The following NEK11 variants were observed in gnomAD, a reference collection of about 807,000 sequenced individuals.
NEK11 encodes the protein serine/threonine-protein kinase Nek11.
In NEK11, 72 loss-of-function variants were observed where a neutral mutation model predicts 80.7. The ratio of observed to expected loss-of-function variants is 0.89; its 90% CI spans 0.74 to 1.08. The LOEUF (loss-of-function observed/expected upper bound fraction) is 1.08, where lower values mean the gene tolerates loss of function less well. Among genes scored for constraint, NEK11 ranks in the 50% least tolerant of loss-of-function variants. The pLI is 0.00. For synonymous variants in NEK11, 251 were observed against 260.7 expected, an observed-to-expected ratio of 0.96 and a Z score of 0.36; for missense variants, 764 against 763.6, an observed-to-expected ratio of 1.00 and a Z score of -0.01.
At chr3:131,177,871 A>G (rs1484469859) in intron 14 of NEK11, among the ~76,000 whole-genome samples, 1 of 152,246 alleles carries the variant, frequency 6.6e-6, no homozygotes, top group Non-Finnish European at 1.5e-5. Flanking sequence ...TGACAGGAAT[A>G]TGTTCTGAGA....
chr3:131,335,543 T>A (rs2097167439), intron 17 of NEK11, among the ~76,000 whole-genome samples: 1 of 152,182 alleles, frequency 6.6e-6, no homozygotes, highest in Non-Finnish European at 1.5e-5. Flanking sequence ...AAGCATTCCC[T>A]TTGAAAACTG....
At chr3:131,057,048 C>A in intron 3 of NEK11, among the ~76,000 whole-genome samples, 1 of 122,554 alleles carries the variant, frequency 8.2e-6, no homozygotes, top group Non-Finnish European at 1.7e-5. Flanking sequence ...TCCCCCCACC[C>A]CACAACTGTC....
At chr3:131,220,731 T>A (rs2107661746) in intron 14 of NEK11, among the ~76,000 whole-genome samples, 1 of 152,224 alleles carries the variant, frequency 6.6e-6, no homozygotes, top group East Asian at 1.9e-4. Flanking sequence ...CTCCGCAAAC[T>A]TTAATGCTGA....
intron 15 of NEK11, among the ~76,000 whole-genome samples, chr3:131,233,379 C>T (rs1361058188): frequency 6.6e-6 from 1 of 152,138 alleles, no homozygotes; most frequent in Non-Finnish European, 1.5e-5. Flanking sequence ...TCACTAGGCT[C>T]CTTGCAGCAG....
intron 14 of NEK11, among the ~76,000 whole-genome samples, chr3:131,190,065 G>A (rs1334516624): frequency 1.3e-5 from 2 of 152,086 alleles, no homozygotes; most frequent in African/African-American, 4.8e-5. Context: ...TCGATGTATA[G>A]ATCCATAAAT....
chr3:131,175,556 A>G lies in NEK11; in HGVS notation c.1399+4669A>G, dbSNP rs934461581. On this transcript the variant is annotated intron_variant, in intron 14 of 17. Transcript: ENST00000383366. The stretch of plus-strand genomic sequence containing the variant: ...GTTCTGGAACCAGAAGTACTTATCT[A>G]TAGTAATAGAAATTAGGCCAGTGGT... 3.9e-5 allele frequency among the ~76,000 whole-genome samples: 6 copies of G among 152,202 alleles called. No homozygotes were observed. In the South Asian group the frequency reaches 6.2e-4, roughly 16 times the overall value.
chr3:131,155,254 A>AG (rs2090451153), intron 10 of NEK11, 133 bp downstream of exon 10: 1 of 617,206 alleles, frequency 1.6e-6, no homozygotes, highest in Admixed American at 2.9e-5. Context: ...CAAGAAATTA[A>AG]GGAGCTTCAG....
At chr3:131,275,530 TCATGTG>T (rs2096278067) in intron 17 of NEK11, among the ~76,000 whole-genome samples, 1 of 152,216 alleles carries the variant, frequency 6.6e-6, no homozygotes, top group East Asian at 1.9e-4. Context: ...CTCACCTTTT[TCATGTG>T]GGCTACTGCA....
Position 131,350,400 on chromosome 3 carries a change from T to C in NEK11, c.*624T>C, listed in dbSNP as rs1349197770. 6.6e-6 allele frequency: 1 copy of C among 152,232 alleles called. No homozygotes were observed. The highest frequency in any genetic ancestry group is 2.4e-5 in the African/African-American group (1 of 41,464). 9.4% of individuals were successfully genotyped at this position (152,232 alleles called of 1,614,324 possible). On this transcript the variant is annotated 3_prime_UTR_variant, in exon 18 of 18. Transcript: ENST00000383366. ...AAACTCATCCATAGATAATTCAAGA[T>C]TTGTATTCAAAATAAACATAGTTTT... is the stretch of plus-strand genomic sequence containing the variant.
chr3:131,324,894 T>C lies in NEK11; in HGVS notation c.1719-24663T>C, dbSNP rs113895576. Among the ~76,000 whole-genome samples, 1,407 of 152,300 alleles carry C rather than the reference T, an allele frequency of 9.2e-3. 16 individuals are homozygous for C. Among genetic ancestry groups the C allele is most frequent in the African/African-American group, 0.03 (1,257 of 41,560 alleles). On this transcript the variant is annotated intron_variant, in intron 17 of 17. Coordinates refer to ENST00000383366, the MANE Select transcript of NEK11 (RefSeq NM_024800.5). Reference sequence around the variant, plus strand: ...GTACCTTACAGGGATTTAAAAAAATTCTGTAATTCTGATTTTTAAAATTAC... The same window carrying C: ...GTACCTTACAGGGATTTAAAAAAATCCTGTAATTCTGATTTTTAAAATTAC...
At position 131,209,787 on chromosome 3, in the gene NEK11, A is replaced by G. The variant is rs2094553301; in HGVS notation, c.1400-18741A>G. Among the ~76,000 whole-genome samples, 5 of 152,298 alleles carry G rather than the reference A, an allele frequency of 3.3e-5. No homozygotes were observed. The East Asian group carries it at 9.6e-4, about 29-fold the overall frequency. On this transcript the variant is annotated intron_variant, in intron 14 of 17. Coordinates refer to ENST00000383366, the MANE Select transcript of NEK11 (RefSeq NM_024800.5). ...TTATTTGCATAGAGGTGTTTATAGTATCCTCTGATGGTAGTTTGTATTTCT... is the reference window on the plus strand; with the variant it reads ...TTATTTGCATAGAGGTGTTTATAGTGTCCTCTGATGGTAGTTTGTATTTCT...
intron 5 of NEK11, among the ~76,000 whole-genome samples, chr3:131,130,532 G>T (rs2718868): frequency 0.82 from 124,126 of 152,114 alleles, 50,728 homozygotes; most frequent in East Asian, 0.85. Flanking sequence ...GCAGAAAAAC[G>T]TCAGGGTTCT....
At chr3:131,228,159 T>C (rs2107785307) in intron 14 of NEK11, among the ~76,000 whole-genome samples, 1 of 152,326 alleles carries the variant, frequency 6.6e-6, no homozygotes. Flanking sequence ...GTGTGTTGTG[T>C]AATAGGACCC....
In NEK11 at chr3:131,318,236, G is replaced by A. The variant is rs149153092; in HGVS notation, c.1719-31321G>A. Among the ~76,000 whole-genome samples, 775 of 152,222 alleles carry A rather than the reference G, an allele frequency of 5.1e-3. 10 individuals carry two copies. Among genetic ancestry groups the A allele is most frequent in the African/African-American group, 0.017 (720 of 41,546 alleles). The stretch of plus-strand genomic sequence containing the variant: ...TCAGTTGTGCCATAGTATCATTGGC[G>A]TTCTTGAGCTCTATTTCAATCCCAA... On this transcript the variant is annotated intron_variant, in intron 17 of 17. Transcript: ENST00000383366.
chr3:131,131,653 T>G (rs534831038), intron 5 of NEK11, among the ~76,000 whole-genome samples: 13 of 152,252 alleles, frequency 8.5e-5, no homozygotes. Context: ...TTTATTGATC[T>G]TTTCAAAGAA....
intron 17 of NEK11, among the ~76,000 whole-genome samples, chr3:131,312,464 G>A (rs902318978): frequency 1.3e-5 from 2 of 152,146 alleles, no homozygotes; most frequent in African/African-American, 4.8e-5. Context: ...TATGTACAGA[G>A]AAGACCTAGA....
At chr3:131,152,810 A>C in intron 9 of NEK11, 101 bp downstream of exon 9, 1 of 882,216 alleles carries the variant, frequency 1.1e-6, no homozygotes, top group Non-Finnish European at 1.8e-6. Flanking sequence ...AGTAAGAATC[A>C]ACCAGAAAGG....
intron 3 of NEK11, among the ~76,000 whole-genome samples, chr3:131,074,940 T>A (rs1267795954): frequency 6.6e-6 from 1 of 152,148 alleles, no homozygotes; most frequent in African/African-American, 2.4e-5. Flanking sequence ...TCTTTATATC[T>A]CCAGCACATG....
chr3:131,201,894 G>A (rs2094245296), intron 14 of NEK11, among the ~76,000 whole-genome samples: 1 of 152,090 alleles, frequency 6.6e-6, no homozygotes, highest in African/African-American at 2.4e-5. Flanking sequence ...GAGCGCAGTG[G>A]CACAATCTCT....
Sources: gnomAD v4.1 joint callset for allele counts (sites outside exome capture counted in the v4.1 genomes callset) on GRCh38, gnomAD v4.1.1 for gene constraint, MANE v1.5 for transcripts, NCBI Gene and HGNC (gene_info 2026-07-23, HGNC 2026-07-21) for gene names.